The following MBTD1 variants were observed in gnomAD, a reference collection of about 807,000 sequenced individuals.
MBTD1 encodes the protein MBT domain-containing protein 1.
A neutral mutation model predicts 87.8 loss-of-function variants in MBTD1; 24 were observed. The ratio of observed to expected loss-of-function variants is 0.27; its 90% CI spans 0.20 to 0.38. The LOEUF (loss-of-function observed/expected upper bound fraction) is 0.38. Ranked by LOEUF, MBTD1 falls within the 10% of genes least tolerant of loss-of-function variation. The pLI is 1.00. For missense variants in MBTD1, 436 were observed against 760.2 expected, an observed-to-expected ratio of 0.57 and a Z score of 5.02; for synonymous variants, 237 against 248.6, an observed-to-expected ratio of 0.95 and a Z score of 0.44.
At chr17:51,213,562 A>G (rs1036572716) in intron 6 of MBTD1, among the ~76,000 whole-genome samples, 3 of 151,870 alleles carry the variant, frequency 2.0e-5, no homozygotes, top group Non-Finnish European at 4.4e-5. Context: ...AAAAAAAAAG[A>G]CTTGCATTAT....
chr17:51,212,850 G>A (rs566669336), intron 6 of MBTD1, among the ~76,000 whole-genome samples: 22 of 152,114 alleles, frequency 1.4e-4, no homozygotes, highest in African/African-American at 3.1e-4. Flanking sequence ...TCCACCTTCC[G>A]GTTTCAAGCA....
chr17:51,184,471 A>G (rs1338842179), intron 16 of MBTD1: 1 of 152,240 alleles, frequency 6.6e-6, no homozygotes, highest in Non-Finnish European at 1.5e-5. Flanking sequence ...TTAAGGTAGC[A>G]ATGTAGTCCC....
At chr17:51,190,640 T>C (rs1256750448) in intron 16 of MBTD1, among the ~76,000 whole-genome samples, 2 of 144,218 alleles carry the variant, frequency 1.4e-5, no homozygotes, top group African/African-American at 5.3e-5. Flanking sequence ...GAGAATTGCT[T>C]GTACCCGAGA....
At chr17:51,239,691 C>T (rs2054053435) in intron 2 of MBTD1, among the ~76,000 whole-genome samples, 1 of 149,668 alleles carries the variant, frequency 6.7e-6, no homozygotes, top group Admixed American at 6.6e-5. Flanking sequence ...GTAACACTCG[C>T]CTTTATCCCC....
chr17:51,226,582 A>G (rs1187681771), intron 2 of MBTD1, among the ~76,000 whole-genome samples: 1 of 152,052 alleles, frequency 6.6e-6, no homozygotes, highest in African/African-American at 2.4e-5. Context: ...TTTCATCTCT[A>G]AAACTAAACT....
At chr17:51,187,173 A>G (rs534859680) in intron 16 of MBTD1, among the ~76,000 whole-genome samples, 1 of 152,320 alleles carries the variant, frequency 6.6e-6, no homozygotes, top group East Asian at 1.9e-4. Context: ...CTGTAATCCC[A>G]GCACCTTGGG....
chr17:51,246,028 G>A (rs974551810), intron 2 of MBTD1, among the ~76,000 whole-genome samples: 1 of 152,132 alleles, frequency 6.6e-6, no homozygotes, highest in Non-Finnish European at 1.5e-5. Flanking sequence ...GTTTTATATA[G>A]CCTGCTTCAC....
intron 16 of MBTD1, among the ~76,000 whole-genome samples, chr17:51,187,257 A>G (rs954934850): frequency 2.0e-5 from 3 of 151,358 alleles, no homozygotes; most frequent in Admixed American, 2.0e-4. Flanking sequence ...AGTGAGACCC[A>G]TCTCTACAAA....
intron 2 of MBTD1, among the ~76,000 whole-genome samples, chr17:51,226,027 C>T (rs1342387234): frequency 6.6e-6 from 1 of 150,628 alleles, no homozygotes; most frequent in African/African-American, 2.4e-5. Flanking sequence ...GATCCGCCCA[C>T]CTCGGCCTCC....
At chr17:51,252,332 C>G (rs2054835823) in intron 2 of MBTD1, among the ~76,000 whole-genome samples, 1 of 152,094 alleles carries the variant, frequency 6.6e-6, no homozygotes, top group Non-Finnish European at 1.5e-5. Context: ...CTCCCCCCTC[C>G]CCAATACTGG....
At chr17:51,240,504 TTGTC>T (rs1230277575) in intron 2 of MBTD1, among the ~76,000 whole-genome samples, 3 of 152,200 alleles carry the variant, frequency 2.0e-5, no homozygotes, top group Non-Finnish European at 4.4e-5. Context: ...CTATTGGAAT[TTGTC>T]TGATAGTTTC....
chr17:51,248,370 G>T (rs1362597466), intron 2 of MBTD1, among the ~76,000 whole-genome samples: 3 of 152,092 alleles, frequency 2.0e-5, no homozygotes, highest in Non-Finnish European at 4.4e-5. Context: ...ACAGATTCTG[G>T]TATGTAGTAT....
intron 7 of MBTD1, among the ~76,000 whole-genome samples, chr17:51,206,268 CTTTATT>C (rs1418876322): frequency 1.3e-5 from 2 of 151,994 alleles, no homozygotes; most frequent in African/African-American, 4.8e-5. Context: ...GTTCTTACCA[CTTTATT>C]TTTATTTTTT....
In MBTD1 at chr17:51,179,496, A is replaced by ATATATATATTTT. The variant is rs1555673727; in HGVS notation, c.*1079_*1080insAAAATATATATA. On this transcript the variant is annotated 3_prime_UTR_variant, in exon 17 of 17. Transcript: ENST00000586178. ...ATTAAAGACAATTTTATATATATAT[A>ATATATATATTTT]TATATATATATATATATATATATAT... 1.9e-5 allele frequency: 1 copy of ATATATATATTTT among 53,106 alleles called. No individual in the cohort carries two copies. The highest frequency in any genetic ancestry group is 3.8e-5 in the Non-Finnish European group (1 of 26,110). The allele number at this position is 53,106 out of a possible 1,614,324, so 3.3% of individuals were successfully genotyped here.
chr17:51,238,067 T>C (rs897949649), intron 2 of MBTD1, among the ~76,000 whole-genome samples: 4 of 152,092 alleles, frequency 2.6e-5, no homozygotes, highest in Non-Finnish European at 2.9e-5. Flanking sequence ...AGAAGGCAGA[T>C]CAGTAATTAC....
chr17:51,257,582 A>G (rs2144309711), intron 2 of MBTD1, among the ~76,000 whole-genome samples: 1 of 152,354 alleles, frequency 6.6e-6, no homozygotes, highest in Middle Eastern at 3.4e-3. Context: ...GTCAACATAT[A>G]ACCAGCTTTA....
upstream of MBTD1, chr17:51,260,583 C>T (rs749340207): frequency 5.6e-6 from 9 of 1,611,356 alleles, no homozygotes; most frequent in East Asian, 1.3e-4. Flanking sequence ...TCAAACCTAA[C>T]GATGCCGCCG....
chr17:51,260,495 G>C, upstream of MBTD1: 1 of 1,408,596 alleles, frequency 7.1e-7, no homozygotes, highest in Non-Finnish European at 9.5e-7. Flanking sequence ...TCCGGCCCCC[G>C]GGGCTTCGGC....
chr17:51,203,467 T>A (rs1173897149), intron 8 of MBTD1, among the ~76,000 whole-genome samples: 1 of 152,116 alleles, frequency 6.6e-6, no homozygotes, highest in Non-Finnish European at 1.5e-5. Context: ...CAGGCTGGAG[T>A]GCAGTGGCGT....
Sources: gnomAD v4.1 joint callset for allele counts (sites outside exome capture counted in the v4.1 genomes callset) on GRCh38, gnomAD v4.1.1 for gene constraint, MANE v1.5 for transcripts, NCBI Gene and HGNC (gene_info 2026-07-23, HGNC 2026-07-21) for gene names.